MAD1L1: variants seen among roughly 807,000 people sequenced by gnomAD.
The protein encoded by MAD1L1 is mitotic spindle assembly checkpoint protein MAD1.
A neutral mutation model predicts 96.9 loss-of-function variants in MAD1L1; 95 were observed. That is an observed-to-expected ratio of 0.98 (90% CI 0.83 to 1.16). The LOEUF is 1.16. Among genes scored for constraint, MAD1L1 ranks in the 50% most tolerant of loss-of-function variants. The pLI is 0.00. For missense variants in MAD1L1, 1,007 were observed against 954.4 expected, an observed-to-expected ratio of 1.06 and a Z score of -0.73; for synonymous variants, 473 against 396.6, an observed-to-expected ratio of 1.19 and a Z score of -2.29.
rs1247681874 is a variant in MAD1L1, at chr7:1,957,603, T to C, written c.1596+26A>G. ...AGAAATGAGAGGCCCAGGCAGTGCC[T>C]CACCCAGAGGCTGCCCCGCCCTCAC... is the stretch of plus-strand genomic sequence containing the variant. On this transcript the variant is annotated intron_variant, in intron 16 of 18. Coordinates refer to ENST00000265854, the MANE Select transcript of MAD1L1 (RefSeq NM_001013836.2). The C allele has an allele frequency of 1.9e-6, 3 of 1,610,742 alleles. No individual in the cohort carries two copies. In the East Asian group the frequency reaches 6.7e-5, roughly 36 times the overall value.
At chr7:2,000,217 C>G (rs1427303112) in intron 14 of MAD1L1, among the ~76,000 whole-genome samples, 1 of 152,120 alleles carries the variant, frequency 6.6e-6, no homozygotes, top group Non-Finnish European at 1.5e-5. Context: ...ATTCCCAGCC[C>G]TCACGCTCTC....
At chr7:1,988,877 G>A (rs1269303742) in intron 14 of MAD1L1, among the ~76,000 whole-genome samples, 1 of 152,234 alleles carries the variant, frequency 6.6e-6, no homozygotes, top group Non-Finnish European at 1.5e-5. Context: ...AGGGCCACGT[G>A]TGCCTGGCCC....
At position 2,213,287 on chromosome 7, in the gene MAD1L1, A is replaced by G; in HGVS notation, c.925-14T>C. 2 of 1,613,382 alleles carry G rather than the reference A, an allele frequency of 1.2e-6. No individual in the cohort carries two copies. Among genetic ancestry groups the G allele is most frequent in the Non-Finnish European group, 1.7e-6 (2 of 1,179,414 alleles). On this transcript the variant is annotated splice_polypyrimidine_tract_variant and intron_variant, in intron 9 of 18. Transcript: ENST00000265854. ...GGCCAGCAGCCTCTGAAAAGACAACAAAAGCACAGACCCTGTCATCACCTG... is the reference window on the plus strand; with the variant it reads ...GGCCAGCAGCCTCTGAAAAGACAACGAAAGCACAGACCCTGTCATCACCTG...
intron 17 of MAD1L1, among the ~76,000 whole-genome samples, chr7:1,902,906 G>A (rs1228650377): frequency 6.6e-6 from 1 of 151,480 alleles, no homozygotes; most frequent in Non-Finnish European, 1.5e-5. Context: ...AGGATGCAGT[G>A]GCCTATGGAA....
intron 16 of MAD1L1, among the ~76,000 whole-genome samples, chr7:1,938,746 G>GCGCA (rs1382800659): frequency 1.5e-4 from 15 of 99,740 alleles, no homozygotes; most frequent in East Asian, 7.4e-4. Flanking sequence ...AGGCGCGCAC[G>GCGCA]CACACACACA....
intron 10 of MAD1L1, among the ~76,000 whole-genome samples, chr7:2,185,398 CTT>C (rs1260325987): frequency 6.6e-6 from 1 of 152,202 alleles, no homozygotes; most frequent in East Asian, 1.9e-4. Flanking sequence ...GTAATGGAAA[CTT>C]TCTGCAGCCT....
At chr7:1,892,163 C>T (rs920665346) in intron 18 of MAD1L1, among the ~76,000 whole-genome samples, 4 of 152,216 alleles carry the variant, frequency 2.6e-5, no homozygotes, top group Non-Finnish European at 4.4e-5. Flanking sequence ...CACTGCGCCA[C>T]GGTGGTCTAC....
At chr7:2,222,381 A>C (rs1793654626) in intron 5 of MAD1L1, among the ~76,000 whole-genome samples, 194 bp downstream of exon 5, 1 of 152,172 alleles carries the variant, frequency 6.6e-6, no homozygotes. Flanking sequence ...CGCCCGGCCC[A>C]AAGTCTCAAC....
chr7:2,214,899 T>A (rs1000672201), intron 9 of MAD1L1, among the ~76,000 whole-genome samples: 1 of 152,182 alleles, frequency 6.6e-6, no homozygotes, highest in Non-Finnish European at 1.5e-5. Flanking sequence ...AGTTTCCTGC[T>A]GCAACCGAAA....
intron 18 of MAD1L1, among the ~76,000 whole-genome samples, chr7:1,885,867 T>C (rs1785986254): frequency 6.6e-6 from 1 of 152,142 alleles, no homozygotes; most frequent in South Asian, 2.1e-4. Flanking sequence ...ATGAGGAAAA[T>C]GGAGCAGGGC....
At chr7:2,232,016 G>A (rs1294075038) in intron 1 of MAD1L1, among the ~76,000 whole-genome samples, 5 of 152,152 alleles carry the variant, frequency 3.3e-5, no homozygotes, top group African/African-American at 7.2e-5. Flanking sequence ...TGATGAAACC[G>A]AAGCTTCAAA....
chr7:2,145,528 T>A (rs1789253114), intron 11 of MAD1L1, among the ~76,000 whole-genome samples: 2 of 152,216 alleles, frequency 1.3e-5, no homozygotes, highest in South Asian at 4.1e-4. Flanking sequence ...GTCAAAACTA[T>A]AGCTCAATGC....
At chr7:2,224,014 T>C (rs1284028484) in intron 4 of MAD1L1, among the ~76,000 whole-genome samples, 3 of 152,140 alleles carry the variant, frequency 2.0e-5, no homozygotes, top group Admixed American at 1.3e-4. Context: ...GTCACCTGCA[T>C]CCTTGGATTT....
intron 12 of MAD1L1, among the ~76,000 whole-genome samples, chr7:2,040,802 G>GA (rs1389377903): frequency 6.6e-6 from 1 of 152,148 alleles, no homozygotes; most frequent in Non-Finnish European, 1.5e-5. Flanking sequence ...TAATGTCCAG[G>GA]ACTCTTCATT....
At chr7:1,998,732 CT>C (rs1781664359) in intron 14 of MAD1L1, among the ~76,000 whole-genome samples, 1 of 151,520 alleles carries the variant, frequency 6.6e-6, no homozygotes, top group Non-Finnish European at 1.5e-5. Context: ...CACCAACCCC[CT>C]GCCAACCCCC....
chr7:2,028,424 CAAA>C (rs56189973), intron 12 of MAD1L1, among the ~76,000 whole-genome samples: 18,175 of 85,762 alleles, frequency 0.21, 1,375 homozygotes, highest in Middle Eastern at 0.37. Context: ...GACTCCATCT[CAAA>C]AAAAAAAAAA....
intron 14 of MAD1L1, among the ~76,000 whole-genome samples, chr7:1,987,403 C>T (rs1374123367): frequency 2.0e-5 from 3 of 152,192 alleles, no homozygotes; most frequent in East Asian, 1.9e-4. Flanking sequence ...AGCGTGTGTG[C>T]GGCCGAGCTC....
chr7:1,976,136 T>C (rs1022587954), intron 15 of MAD1L1, among the ~76,000 whole-genome samples: 1 of 152,208 alleles, frequency 6.6e-6, no homozygotes, highest in South Asian at 2.1e-4. Context: ...AATGTGAGTG[T>C]GCATCTGGGC....
At position 1,950,617 on chromosome 7, in the gene MAD1L1, C is replaced by A. The variant is rs1334990120; in HGVS notation, c.1596+7012G>T. Among the ~76,000 whole-genome samples the A allele has an allele frequency of 5.3e-5, 8 of 152,336 alleles. No individual in the cohort carries two copies. In the East Asian group the frequency reaches 1.5e-3, roughly 29 times the overall value. ...GCTCTGAGCGCCAGTCGACCCCACA[C>A]GGGAGCCCCTCAATGTCTGCCCCCA... On this transcript the variant is annotated intron_variant, in intron 16 of 18. Coordinates refer to ENST00000265854, the MANE Select transcript of MAD1L1 (RefSeq NM_001013836.2).
Sources: allele counts gnomAD v4.1 joint callset (sites outside exome capture counted in the v4.1 genomes callset), GRCh38; gene constraint gnomAD v4.1.1; transcripts MANE v1.5; gene names NCBI Gene and HGNC (gene_info 2026-07-23, HGNC 2026-07-21).